The following IMPA1 variants were observed in gnomAD, a reference collection of about 807,000 sequenced individuals.
IMPA1 encodes the protein D-galactose 1-phosphate phosphatase.
IMPA1 carries 21 observed loss-of-function variants against 34.9 expected under a neutral mutation model. The observed-to-expected ratio is 0.60, with a 90% CI of 0.43 to 0.87. The LOEUF is 0.87. Ranked by LOEUF, IMPA1 falls within the 40% of genes least tolerant of loss-of-function variation. The pLI is 0.00. For synonymous variants in IMPA1, 95 were observed against 104.4 expected (o/e 0.91, Z 0.55); for missense variants, 299 against 336.4 (o/e 0.89, Z 0.87).
chr8:81,678,124 G>A (rs969458386), intron 4 of IMPA1, among the ~76,000 whole-genome samples: 2 of 151,640 alleles, frequency 1.3e-5, no homozygotes, highest in East Asian at 1.9e-4. Context: ...TGAAAAAGCC[G>A]TAAAAAAATA....
At chr8:81,680,009 C>G (rs1372244593) in intron 3 of IMPA1, among the ~76,000 whole-genome samples, 1 of 151,756 alleles carries the variant, frequency 6.6e-6, no homozygotes, top group Non-Finnish European at 1.5e-5. Context: ...GTGGCATGCA[C>G]CTGTAATCCC....
chr8:81,667,509 A>G (rs924815857), intron 7 of IMPA1, among the ~76,000 whole-genome samples: 6 of 152,126 alleles, frequency 3.9e-5, no homozygotes, highest in Non-Finnish European at 8.8e-5. Flanking sequence ...ATTAACAAAC[A>G]GAAGCGGCTT....
chr8:81,683,558 A>T (rs1807365478), intron 1 of IMPA1, among the ~76,000 whole-genome samples: 1 of 152,200 alleles, frequency 6.6e-6, no homozygotes, highest in African/African-American at 2.4e-5. Context: ...GATAACCGTC[A>T]CAGTCTACTG....
intron 6 of IMPA1, 26 bp from the exon 7 acceptor site, chr8:81,671,073 T>A: frequency 1.7e-6 from 2 of 1,152,184 alleles, no homozygotes; most frequent in South Asian, 3.6e-5. Flanking sequence ...TAGGTTTCAA[T>A]ATTTAGACTT....
intron 7 of IMPA1, among the ~76,000 whole-genome samples, chr8:81,661,702 A>G (rs1027942631): frequency 6.6e-6 from 1 of 152,264 alleles, no homozygotes; most frequent in Non-Finnish European, 1.5e-5. Context: ...CAAAATTTGA[A>G]TAAAGTCTTA....
chr8:81,671,887 A>G lies in IMPA1; in HGVS notation c.458-840T>C, dbSNP rs1472216231. ...ACTCCAGCCTGGGCAACAGAGCAAG[A>G]CTCTGTCTCGGGAGGAAAAAAAATA... On this transcript the variant is annotated intron_variant, in intron 6 of 8. Coordinates refer to ENST00000256108, the MANE Select transcript of IMPA1 (RefSeq NM_005536.4). Among the ~76,000 whole-genome samples the G allele has an allele frequency of 2.0e-5, 3 of 152,172 alleles. No individual in the cohort carries two copies. In the East Asian group the frequency reaches 5.8e-4, roughly 29 times the overall value.
Position 81,673,957 on chromosome 8 carries a change from G to A in IMPA1, c.349-8C>T, listed in dbSNP as rs1237904375. On this transcript the variant is annotated splice_polypyrimidine_tract_variant and splice_region_variant and intron_variant, in intron 5 of 8. Transcript: ENST00000256108. ...CACAACTCCAAATTCTATCTGCAGA[G>A]GAAAACAAGTTTCCTTTACCAAACC... 2 of 1,561,186 alleles carry A rather than the reference G, an allele frequency of 1.3e-6. No homozygotes were observed. The highest frequency in any genetic ancestry group is 2.2e-5 in the East Asian group (1 of 44,586).
At chr8:81,669,511 G>A (rs1806928817) in intron 7 of IMPA1, among the ~76,000 whole-genome samples, 1 of 152,192 alleles carries the variant, frequency 6.6e-6, no homozygotes, top group Non-Finnish European at 1.5e-5. Flanking sequence ...CTGGAATTCT[G>A]GACTTGCCTA....
At chr8:81,679,873 A>T (rs1254495499) in intron 3 of IMPA1, among the ~76,000 whole-genome samples, 1 of 152,088 alleles carries the variant, frequency 6.6e-6, no homozygotes, top group Non-Finnish European at 1.5e-5. Context: ...GTGGTGGCTC[A>T]GGTCTGTAAT....
intron 7 of IMPA1, among the ~76,000 whole-genome samples, chr8:81,668,631 G>C (rs879205362): frequency 6.6e-6 from 1 of 151,946 alleles, no homozygotes; most frequent in Non-Finnish European, 1.5e-5. Flanking sequence ...CAAAAAGAAA[G>C]GAAGCAGAGC....
intron 7 of IMPA1, among the ~76,000 whole-genome samples, chr8:81,670,163 T>C (rs894005840): frequency 1.3e-5 from 2 of 151,888 alleles, no homozygotes; most frequent in African/African-American, 4.8e-5. Context: ...TAAGACAGAC[T>C]CTCCTTGTGA....
intron 3 of IMPA1, 105 bp from the exon 4 acceptor site, chr8:81,679,335 G>A: frequency 9.1e-6 from 7 of 767,008 alleles, no homozygotes; most frequent in South Asian, 6.1e-5. Context: ...CATAGCAGGC[G>A]AGGTGTGGAG....
chr8:81,678,668 G>A, intron 4 of IMPA1: 1 of 184,706 alleles, frequency 5.4e-6, no homozygotes, highest in Non-Finnish European at 1.2e-5. Context: ...TCTCAGCCTG[G>A]CCAACAAGAG....
At chr8:81,667,177 C>A (rs903426790) in intron 7 of IMPA1, among the ~76,000 whole-genome samples, 4 of 151,862 alleles carry the variant, frequency 2.6e-5, no homozygotes, top group Admixed American at 2.6e-4. Context: ...GAATGTCATA[C>A]CCTGGAAATA....
rs759120453 is a variant in IMPA1, at chr8:81,681,596, A to G, written c.-24-12T>C. 1.6e-5 allele frequency: 24 copies of G among 1,458,850 alleles called. No homozygotes were observed. In the East Asian group the frequency reaches 5.2e-4, roughly 32 times the overall value. The allele number at this position is 1,458,850 out of a possible 1,614,324, so 90.4% of individuals were successfully genotyped here. A position where few individuals can be genotyped will look rare whatever the true frequency, so the allele number is the denominator to read the frequency against. The stretch of plus-strand genomic sequence containing the variant: ...TATTTGACAAATATCTGTACAAAGT[A>G]GTTATAACTGTCTTAGAAGTCTTAA... On this transcript the variant is annotated splice_polypyrimidine_tract_variant and intron_variant, in intron 1 of 8. Coordinates refer to ENST00000256108, the MANE Select transcript of IMPA1 (RefSeq NM_005536.4).
At chr8:81,665,802 T>C (rs546432475) in intron 7 of IMPA1, among the ~76,000 whole-genome samples, 4 of 152,184 alleles carry the variant, frequency 2.6e-5, no homozygotes, top group African/African-American at 2.4e-5. Context: ...AAGGCAACAG[T>C]GAAAGAACAT....
At chr8:81,676,072 T>C (rs900736617) in intron 5 of IMPA1, among the ~76,000 whole-genome samples, 162 bp downstream of exon 5, 1 of 152,214 alleles carries the variant, frequency 6.6e-6, no homozygotes, top group Non-Finnish European at 1.5e-5. Flanking sequence ...CCAATGCAAA[T>C]GTATCATGAA....
chr8:81,670,671 C>T (rs996865143), intron 7 of IMPA1, among the ~76,000 whole-genome samples: 1 of 152,134 alleles, frequency 6.6e-6, no homozygotes, highest in Non-Finnish European at 1.5e-5. Context: ...AAAAATAATG[C>T]TGACTCTAGA....
intron 1 of IMPA1, chr8:81,686,027 T>C (rs909430156): frequency 7.8e-6 from 10 of 1,287,914 alleles, no homozygotes; most frequent in Non-Finnish European, 1.0e-5. Flanking sequence ...AGAGGTTAAG[T>C]GAGGTCGCGT....
Sources: gnomAD v4.1 joint callset for allele counts (sites outside exome capture counted in the v4.1 genomes callset) on GRCh38, gnomAD v4.1.1 for gene constraint, MANE v1.5 for transcripts, NCBI Gene and HGNC (gene_info 2026-07-23, HGNC 2026-07-21) for gene names.